Variants in AFF3 observed in about 807,000 individuals in gnomAD.
The protein encoded by AFF3 is AF4/FMR2 family member 3.
A neutral mutation model predicts 129.7 loss-of-function variants in AFF3; 32 were observed. The ratio of observed to expected loss-of-function variants is 0.25; its 90% confidence interval spans 0.19 to 0.33. The LOEUF is 0.33. Ranked by LOEUF, AFF3 falls within the 10% of genes least tolerant of loss-of-function variation. AFF3 has a pLI of 1.00. For missense variants in AFF3, 1,373 were observed against 1,592.0 expected (o/e 0.86, Z 2.34); for synonymous variants, 644 against 635.4 (o/e 1.01, Z -0.20).
chr2:99,637,048 T>C (rs1407932325), intron 13 of AFF3, among the ~76,000 whole-genome samples: 1 of 151,936 alleles, frequency 6.6e-6, no homozygotes, highest in Non-Finnish European at 1.5e-5. Context: ...GTGGGACTGT[T>C]CCAGGGGTGG....
chr2:100,083,535 C>A lies in AFF3; in HGVS notation c.53+20867G>T, dbSNP rs185336306. Reference sequence around the variant, plus strand: ...CTCTTCGTGCCCACCGTTTCCTTTGCTGCTAGAAACACTCACAAAGCAATA... The same window carrying A: ...CTCTTCGTGCCCACCGTTTCCTTTGATGCTAGAAACACTCACAAAGCAATA... On this transcript the variant is annotated intron_variant, in intron 4 of 24. Transcript: ENST00000672756. 3.3e-3 allele frequency among the ~76,000 whole-genome samples: 504 copies of A among 152,304 alleles called. 2 individuals are homozygous for A. The highest frequency in any genetic ancestry group is 0.01 in the African/African-American group (417 of 41,558).
At chr2:99,571,744 C>G (rs554971039) in intron 18 of AFF3, among the ~76,000 whole-genome samples, 1 of 152,148 alleles carries the variant, frequency 6.6e-6, no homozygotes, top group Non-Finnish European at 1.5e-5. Context: ...TTTCTCCTTT[C>G]GAGTGATTTC....
At chr2:99,979,210 G>A (rs1679171455) in intron 7 of AFF3, among the ~76,000 whole-genome samples, 1 of 152,224 alleles carries the variant, frequency 6.6e-6, no homozygotes, top group Admixed American at 6.5e-5. Context: ...TACAGTGTGG[G>A]TTTACAGCAA....
At chr2:99,876,028 C>G (rs931984586) in intron 7 of AFF3, among the ~76,000 whole-genome samples, 1 of 152,130 alleles carries the variant, frequency 6.6e-6, no homozygotes, top group Non-Finnish European at 1.5e-5. Flanking sequence ...ATGGCACTGG[C>G]GACTTCCAGT....
intron 11 of AFF3, among the ~76,000 whole-genome samples, chr2:99,720,032 G>A (rs1215341374): frequency 6.6e-6 from 1 of 152,138 alleles, no homozygotes; most frequent in Non-Finnish European, 1.5e-5. Context: ...GCGAGACTCC[G>A]TATCAAAAAT....
At chr2:99,813,247 C>T (rs556952684) in intron 8 of AFF3, among the ~76,000 whole-genome samples, 22 of 152,236 alleles carry the variant, frequency 1.4e-4, no homozygotes, top group Admixed American at 5.9e-4. Flanking sequence ...AAAGATGAGA[C>T]GGCACCAGTT....
intron 7 of AFF3, among the ~76,000 whole-genome samples, chr2:99,844,196 G>A (rs1159777514): frequency 6.6e-6 from 1 of 152,130 alleles, no homozygotes; most frequent in Non-Finnish European, 1.5e-5. Context: ...AATGTACGAA[G>A]AGGAGCAAAC....
chr2:99,894,431 A>C (rs1257929213), intron 7 of AFF3, among the ~76,000 whole-genome samples: 1 of 151,528 alleles, frequency 6.6e-6, no homozygotes, highest in Non-Finnish European at 1.5e-5. Flanking sequence ...CTTCATCAGC[A>C]TTCTGGTTGT....
chr2:100,138,281 C>T (rs574457362), intron 1 of AFF3, among the ~76,000 whole-genome samples: 1 of 152,292 alleles, frequency 6.6e-6, no homozygotes, highest in South Asian at 2.1e-4. Flanking sequence ...GGTCATCACT[C>T]TCTCCCCTCT....
At chr2:99,619,771 A>T (rs942941552) in intron 13 of AFF3, among the ~76,000 whole-genome samples, 3 of 152,164 alleles carry the variant, frequency 2.0e-5, no homozygotes, top group African/African-American at 7.2e-5. Flanking sequence ...CACAGATGAC[A>T]GTGTCCAGAG....
At chr2:99,992,066 A>T (rs1365689230) in intron 7 of AFF3, among the ~76,000 whole-genome samples, 2 of 152,132 alleles carry the variant, frequency 1.3e-5, no homozygotes, top group African/African-American at 4.8e-5. Flanking sequence ...GAATGTATAC[A>T]TTTAGAGTAT....
At chr2:99,572,852 C>G (rs3792122) in intron 18 of AFF3, among the ~76,000 whole-genome samples, 53,430 of 152,090 alleles carry the variant, frequency 0.35, 13,188 homozygotes, top group African/African-American at 0.7. Context: ...CCCCACAGAT[C>G]CAGGTAGATT....
chr2:99,994,236 A>G (rs984448338), intron 7 of AFF3, among the ~76,000 whole-genome samples: 12 of 152,204 alleles, frequency 7.9e-5, no homozygotes, highest in Non-Finnish European at 1.5e-4. Context: ...AAATCCCAAT[A>G]ATACTTTAGG....
chr2:99,811,378 T>G (rs969982590), intron 8 of AFF3, among the ~76,000 whole-genome samples: 1 of 152,138 alleles, frequency 6.6e-6, no homozygotes. Flanking sequence ...TATTATTATC[T>G]CTGAATCACA....
intron 11 of AFF3, among the ~76,000 whole-genome samples, chr2:99,722,981 G>A (rs998625548): frequency 1.3e-5 from 2 of 152,136 alleles, no homozygotes; most frequent in African/African-American, 2.4e-5. Flanking sequence ...CTCTTTCAAG[G>A]ATCAAATTTC....
At chr2:99,637,043 A>G (rs1020484761) in intron 13 of AFF3, among the ~76,000 whole-genome samples, 2 of 151,904 alleles carry the variant, frequency 1.3e-5, no homozygotes, top group Non-Finnish European at 2.9e-5. Context: ...TCAGGGTGGG[A>G]CTGTTCCAGG....
At chr2:99,802,992 A>G (rs113006035) in intron 8 of AFF3, among the ~76,000 whole-genome samples, 2 of 152,246 alleles carry the variant, frequency 1.3e-5, no homozygotes, top group African/African-American at 4.8e-5. Context: ...TTCCAGTGCT[A>G]TCCTGAATAG....
intron 8 of AFF3, among the ~76,000 whole-genome samples, chr2:99,780,776 A>G (rs180690520): frequency 2.6e-5 from 4 of 152,134 alleles, no homozygotes; most frequent in Admixed American, 2.6e-4. Flanking sequence ...TATATTACTG[A>G]ATCCTGATAG....
At chr2:99,940,146 G>A (rs968075047) in intron 7 of AFF3, among the ~76,000 whole-genome samples, 10 of 152,304 alleles carry the variant, frequency 6.6e-5, no homozygotes, top group Non-Finnish European at 8.8e-5. Flanking sequence ...AGACATGTGT[G>A]TGTGAGTGTG....
Sources: gnomAD v4.1 joint callset for allele counts (sites outside exome capture counted in the v4.1 genomes callset) on GRCh38, gnomAD v4.1.1 for gene constraint, MANE v1.5 for transcripts, NCBI Gene and HGNC (gene_info 2026-07-23, HGNC 2026-07-21) for gene names.